DGKI: variants seen among roughly 807,000 people sequenced by gnomAD.
DGKI encodes DAG kinase iota.
DGKI carries 55 observed loss-of-function variants against 147.5 expected under a neutral mutation model. That is an observed-to-expected ratio of 0.37 (90% CI 0.30 to 0.47). The LOEUF (loss-of-function observed/expected upper bound fraction) is 0.47. Among genes scored for constraint, DGKI ranks in the 20% least tolerant of loss-of-function variants. The probability of loss-of-function intolerance (pLI) is 1.00; values close to 1 mark genes in which losing one functional copy is unlikely to be tolerated. For synonymous variants in DGKI, 469 were observed against 477.1 expected (o/e 0.98, Z 0.22); for missense variants, 1,007 against 1,323.8 (o/e 0.76, Z 3.71).
intron 1 of DGKI, among the ~76,000 whole-genome samples, chr7:137,737,924 G>A (rs1320658057): frequency 1.3e-5 from 2 of 152,230 alleles, no homozygotes; most frequent in East Asian, 3.9e-4. Context: ...TAATTTCTAT[G>A]ATTAATCTGC....
At chr7:137,835,400 T>G in intron 1 of DGKI, among the ~76,000 whole-genome samples, 1 of 152,158 alleles carries the variant, frequency 6.6e-6, no homozygotes, top group East Asian at 1.9e-4. Flanking sequence ...TTTCTTCCCC[T>G]AAAAATCACT....
At chr7:137,546,981 G>C (rs887102363) in intron 20 of DGKI, among the ~76,000 whole-genome samples, 1 of 152,176 alleles carries the variant, frequency 6.6e-6, no homozygotes, top group Non-Finnish European at 1.5e-5. Context: ...TGGATGAAAC[G>C]ATCATCTTTA....
chr7:137,670,753 C>A (rs919863649), intron 3 of DGKI, among the ~76,000 whole-genome samples: 2 of 152,180 alleles, frequency 1.3e-5, no homozygotes, highest in African/African-American at 4.8e-5. Context: ...GGCTTTATTG[C>A]CACACACGTG....
intron 2 of DGKI, among the ~76,000 whole-genome samples, chr7:137,684,735 C>CAACA (rs1169703639): frequency 1.3e-5 from 2 of 152,182 alleles, no homozygotes; most frequent in Non-Finnish European, 2.9e-5. Context: ...ATGCGCTGCT[C>CAACA]AACAAACAGT....
chr7:137,510,450 T>C (rs1816542636), intron 21 of DGKI, among the ~76,000 whole-genome samples: 1 of 152,234 alleles, frequency 6.6e-6, no homozygotes, highest in Non-Finnish European at 1.5e-5. Flanking sequence ...ACTACTGATA[T>C]TTACTACCAG....
chr7:137,651,487 AT>A (rs1822024813), intron 5 of DGKI, among the ~76,000 whole-genome samples: 1 of 152,204 alleles, frequency 6.6e-6, no homozygotes, highest in Non-Finnish European at 1.5e-5. Flanking sequence ...TCTTAAAATC[AT>A]TTTTATGGTG....
At chr7:137,837,469 A>G (rs1798417657) in intron 1 of DGKI, among the ~76,000 whole-genome samples, 1 of 152,228 alleles carries the variant, frequency 6.6e-6, no homozygotes, top group South Asian at 2.1e-4. Context: ...GAGAAAAAGC[A>G]GGGTAGGCTG....
intron 6 of DGKI, among the ~76,000 whole-genome samples, chr7:137,629,144 G>A (rs1416697913): frequency 6.6e-6 from 1 of 151,730 alleles, no homozygotes; most frequent in African/African-American, 2.4e-5. Flanking sequence ...AAATAAGACT[G>A]ACTCAATTTG....
Position 137,606,260 on chromosome 7 carries a change from G to A in DGKI, c.1167+2706C>T, listed in dbSNP as rs1045138218. Among the ~76,000 whole-genome samples, 3 of 151,774 alleles carry A rather than the reference G, an allele frequency of 2.0e-5. No individual in the cohort carries two copies. The East Asian group carries it at 5.8e-4, about 29-fold the overall frequency. On this transcript the variant is annotated intron_variant, in intron 10 of 32. Coordinates refer to ENST00000614521, the MANE Select transcript of DGKI (RefSeq NM_001321708.2). ...AAAGCTATTTTTCTTGCCAGTAGGT[G>A]GCAATATTGTCCAGTAATTTACTTA...
At chr7:137,519,637 C>A (rs1350615732) in intron 21 of DGKI, among the ~76,000 whole-genome samples, 1 of 152,040 alleles carries the variant, frequency 6.6e-6, no homozygotes, top group Non-Finnish European at 1.5e-5. Context: ...CATATATGGA[C>A]TTAAGCTTGC....
At chr7:137,582,336 G>A (rs964523074) in intron 14 of DGKI, among the ~76,000 whole-genome samples, 5 of 151,886 alleles carry the variant, frequency 3.3e-5, no homozygotes, top group African/African-American at 9.7e-5. Flanking sequence ...GTGGATGTGC[G>A]TTTTTCAAGA....
chr7:137,506,688 G>C (rs989384824), intron 21 of DGKI, among the ~76,000 whole-genome samples: 7 of 152,154 alleles, frequency 4.6e-5, no homozygotes, highest in African/African-American at 1.7e-4. Flanking sequence ...AGAACTGTGT[G>C]TGGATAGGTT....
chr7:137,617,760 GATGTTA>G (rs1440559777), intron 8 of DGKI, among the ~76,000 whole-genome samples: 1 of 151,960 alleles, frequency 6.6e-6, no homozygotes, highest in African/African-American at 2.4e-5. Context: ...AATACCGCAA[GATGTTA>G]CCATGAGAAG....
intron 28 of DGKI, among the ~76,000 whole-genome samples, chr7:137,426,103 T>G (rs1004918634): frequency 6.6e-6 from 1 of 152,104 alleles, no homozygotes; most frequent in Non-Finnish European, 1.5e-5. Context: ...ATTGTCAGAT[T>G]CACCGAAGTT....
intron 1 of DGKI, among the ~76,000 whole-genome samples, chr7:137,822,552 C>T (rs1274439056): frequency 6.6e-6 from 1 of 152,048 alleles, no homozygotes; most frequent in Non-Finnish European, 1.5e-5. Context: ...AACCAGGACC[C>T]CACGGTGAAG....
intron 28 of DGKI, among the ~76,000 whole-genome samples, chr7:137,432,471 A>C (rs1813118113): frequency 6.6e-6 from 1 of 152,138 alleles, no homozygotes. Flanking sequence ...TGCACACTTC[A>C]TCTCTTCCTG....
At chr7:137,397,742 G>A (rs1301679252) in intron 30 of DGKI, among the ~76,000 whole-genome samples, 1 of 152,206 alleles carries the variant, frequency 6.6e-6, no homozygotes, top group Non-Finnish European at 1.5e-5. Context: ...GGAAGATTAG[G>A]TGGGCTTTAG....
intron 14 of DGKI, among the ~76,000 whole-genome samples, chr7:137,584,902 A>T (rs1819332100): frequency 6.6e-6 from 1 of 152,148 alleles, no homozygotes. Flanking sequence ...TCATCTTCTC[A>T]TAGGTTATTT....
chr7:137,509,678 G>A (rs1463571045), intron 21 of DGKI, among the ~76,000 whole-genome samples: 1 of 152,184 alleles, frequency 6.6e-6, no homozygotes, highest in Non-Finnish European at 1.5e-5. Flanking sequence ...ATGCCTCAAA[G>A]GCAGTTTGAT....
Sources: gnomAD v4.1 joint callset for allele counts (sites outside exome capture counted in the v4.1 genomes callset) on GRCh38, gnomAD v4.1.1 for gene constraint, MANE v1.5 for transcripts, NCBI Gene and HGNC (gene_info 2026-07-23, HGNC 2026-07-21) for gene names.